The following COL6A3 variants were observed in gnomAD, a reference collection of about 807,000 sequenced individuals.
The protein encoded by COL6A3 is collagen alpha-3(VI) chain.
In COL6A3, 137 loss-of-function variants were observed where a neutral mutation model predicts 274.1. That is an observed-to-expected ratio of 0.50 (90% CI 0.44 to 0.58). COL6A3 has a LOEUF of 0.58. Ranked by LOEUF, COL6A3 falls within the 20% of genes least tolerant of loss-of-function variation. The pLI, the probability that COL6A3 is intolerant of heterozygous loss-of-function variation, is 0.00. For synonymous variants in COL6A3, 1,650 were observed against 1,650.6 expected (o/e 1.00, Z 0.01); for missense variants, 3,950 against 4,124.9 (o/e 0.96, Z 1.16).
At position 237,394,951 on chromosome 2, in the gene COL6A3, G is replaced by A; in HGVS notation, c.345C>T (p.Thr115=). 1.2e-6 allele frequency: 2 copies of A among 1,614,016 alleles called. No individual in the cohort carries two copies. The highest frequency in any genetic ancestry group is 1.7e-6 in the Non-Finnish European group (2 of 1,179,976). Residue 115 remains threonine, a synonymous_variant, in exon 3 of 44, where the codon ACC becomes ACT. Coordinates refer to ENST00000295550, the MANE Select transcript of COL6A3 (RefSeq NM_004369.4). ...HISNMSYIGG[T]NQTGKGLEYI... The stretch of plus-strand genomic sequence containing the variant: ...ATTCTAATCCTTTTCCAGTCTGATT[G>A]GTTCCCCCAATATAAGACATGTTGG...
chr2:237,333,969 C>A (rs531873389), intron 41 of COL6A3, among the ~76,000 whole-genome samples: 1 of 152,236 alleles, frequency 6.6e-6, no homozygotes, highest in East Asian at 1.9e-4. Flanking sequence ...CCTTCACATT[C>A]CTGGAGCAGT....
chr2:237,371,964 C>T lies in COL6A3; in HGVS notation c.4053G>A (p.Glu1351=). Residue 1351 remains glutamate, a synonymous_variant, in exon 9 of 44, where the codon GAG becomes GAA. Transcript: ENST00000295550. The surrounding 1 kb of genome is among the most constrained non-coding windows in gnomAD (Gnocchi z 4.3). The part of the protein sequence containing the change: ...VLISSGKSDD[E]VDDPAVELKQ... ...TGAGCTCCACCGCCGGGTCGTCCAC[C>T]TCATCGTCAGACTTTCCAGACGAGA... 6.2e-7 allele frequency: 1 copy of T among 1,614,142 alleles called. No individual in the cohort carries two copies. Among genetic ancestry groups the T allele is most frequent in the Non-Finnish European group, 8.5e-7 (1 of 1,180,020 alleles).
chr2:237,359,996 T>C, intron 17 of COL6A3, 92 bp downstream of exon 17: 1 of 1,344,900 alleles, frequency 7.4e-7, no homozygotes, highest in Non-Finnish European at 1.1e-6. Flanking sequence ...TCAAGAAGCC[T>C]GGACCAGCGC....
At chr2:237,402,307 G>A (rs2078611608) in intron 1 of COL6A3, among the ~76,000 whole-genome samples, 1 of 152,146 alleles carries the variant, frequency 6.6e-6, no homozygotes, top group African/African-American at 2.4e-5. Context: ...ATTTGTTGTA[G>A]CACAAGGTGC....
chr2:237,375,516 TG>T (rs2077814253), intron 7 of COL6A3, among the ~76,000 whole-genome samples: 1 of 149,376 alleles, frequency 6.7e-6, no homozygotes, highest in Admixed American at 6.6e-5. Flanking sequence ...TAAGGATTTT[TG>T]TTTTTGTTTT....
At chr2:237,352,636 A>C (rs771811448) in intron 25 of COL6A3, 52 bp from the exon 26 acceptor site, 2 of 1,533,050 alleles carry the variant, frequency 1.3e-6, no homozygotes, top group Non-Finnish European at 1.8e-6. Flanking sequence ...TTTCCATGAG[A>C]AGCCTCTGCA....
chr2:237,342,961 A>G (rs1205343664), intron 36 of COL6A3: 1 of 152,298 alleles, frequency 6.6e-6, no homozygotes, highest in Non-Finnish European at 1.5e-5. Context: ...TGGTAAAAGC[A>G]TAGAATATCC....
In COL6A3 at chr2:237,394,717, G is replaced by A; in HGVS notation, c.579C>T (p.Leu193=). Reference sequence around the variant, plus strand: ...TCTCTAGGTTGAACATATGCATATTGAGCGGTTCACTTGCTATTTCTTTTA... The same window carrying A: ...TCTCTAGGTTGAACATATGCATATTAAGCGGTTCACTTGCTATTTCTTTTA... ...GALKEIASEP[L]NMHMFNLENF... is the part of the protein sequence containing the mutation. The change falls in exon 3 of 44, where the codon CTC becomes CTT. Residue 193 remains leucine (L), a synonymous_variant. Coordinates refer to ENST00000295550, the MANE Select transcript of COL6A3 (RefSeq NM_004369.4). 2 of 1,614,202 alleles carry A rather than the reference G, an allele frequency of 1.2e-6. No homozygotes were observed. Among genetic ancestry groups the A allele is most frequent in the Non-Finnish European group, 1.7e-6 (2 of 1,180,042 alleles).
In COL6A3 at chr2:237,346,414, T is replaced by C. The variant is rs1368856479; in HGVS notation, c.7092+89A>G. 7.2e-6 allele frequency: 8 copies of C among 1,112,302 alleles called. No individual in the cohort carries two copies. In the East Asian group the frequency reaches 1.9e-4, roughly 26 times the overall value. 68.9% of individuals were successfully genotyped at this position (1,112,302 alleles called of 1,614,324 possible). ...AATACAAAGAGAGCACATTTTCTTG[T>C]GAGCAAAGCAGATGGTGGGAAGTTT... On this transcript the variant is annotated intron_variant, in intron 32 of 43. Coordinates refer to ENST00000295550, the MANE Select transcript of COL6A3 (RefSeq NM_004369.4).
intron 43 of COL6A3, among the ~76,000 whole-genome samples, 184 bp from the exon 44 acceptor site, chr2:237,324,998 C>T (rs1054340953): frequency 3.3e-5 from 5 of 152,122 alleles, no homozygotes; most frequent in African/African-American, 1.2e-4. Context: ...CGTTCTTGGC[C>T]TGGGGCCCCG....
chr2:237,397,840 C>T (rs1225255584), intron 1 of COL6A3, among the ~76,000 whole-genome samples: 1 of 152,158 alleles, frequency 6.6e-6, no homozygotes, highest in Non-Finnish European at 1.5e-5. Flanking sequence ...AATCTAGTGA[C>T]TATTACTTTG....
rs1235022762 is a variant in COL6A3, at chr2:237,341,065, G to C, written c.7851C>G (p.Asp2617Glu). The change falls in exon 38 of 44, where the codon GAC becomes GAG. Residue 2617 changes from aspartate (D) to glutamate (E), a missense_variant. Coordinates refer to ENST00000295550, the MANE Select transcript of COL6A3 (RefSeq NM_004369.4). ...RDRRAAGSDVDIDMAFILDSA... is the reference protein window; with the variant it reads ...RDRRAAGSDVEIDMAFILDSA... ...TGTCTAAGATGAAAGCCATGTCGAT[G>C]TCCACATCGCTCCCTGCCGCTCTCC... 2.5e-6 allele frequency: 4 copies of C among 1,614,028 alleles called. No homozygotes were observed. The highest frequency in any genetic ancestry group is 3.4e-6 in the Non-Finnish European group (4 of 1,180,050).
chr2:237,397,109 G>A (rs553073373), intron 1 of COL6A3, among the ~76,000 whole-genome samples: 11 of 150,890 alleles, frequency 7.3e-5, no homozygotes, highest in African/African-American at 2.4e-4. Flanking sequence ...ATAAAAGGAA[G>A]GAAGGAGGGA....
At position 237,325,643 on chromosome 2, in the gene COL6A3, C is replaced by A; in HGVS notation, c.9410G>T (p.Cys3137Phe). The change falls in exon 43 of 44, where the codon TGT (cysteine) becomes TTT (phenylalanine). Residue 3137 changes from cysteine to phenylalanine, a missense_variant. By Grantham distance (205) the Cys-to-Phe change is radical (BLOSUM62 -2). Coordinates refer to ENST00000295550, the MANE Select transcript of COL6A3 (RefSeq NM_004369.4). ...KWYYDPNTKS[C>F]ARFWYGGCGG... ...ACAACCTCCATACCAGAATCTTGCA[C>A]AGCTTTTGGTGTTTGGATCATAGTA... The A allele has an allele frequency of 6.2e-7, 1 of 1,614,120 alleles. No homozygotes were observed. Among genetic ancestry groups the A allele is most frequent in the Non-Finnish European group, 8.5e-7 (1 of 1,179,978 alleles).
Position 237,340,369 on chromosome 2 carries a change from T to C in COL6A3, c.8464+83A>G. On this transcript the variant is annotated intron_variant, in intron 38 of 43. Coordinates refer to ENST00000295550, the MANE Select transcript of COL6A3 (RefSeq NM_004369.4). Reference sequence around the variant, plus strand: ...ACAGTTCCTGTCAACACATCGGTTGTCTTTTCCATGACTGTTCCTACACTT... The same window carrying C: ...ACAGTTCCTGTCAACACATCGGTTGCCTTTTCCATGACTGTTCCTACACTT... 3.8e-6 allele frequency: 5 copies of C among 1,310,746 alleles called. No individual in the cohort carries two copies. In the Admixed American group the frequency reaches 5.4e-5, roughly 14 times the overall value. The allele number at this position is 1,310,746 out of a possible 1,614,324, so 81.2% of individuals were successfully genotyped here.
At chr2:237,383,172 A>C (rs1313636230) in intron 4 of COL6A3, among the ~76,000 whole-genome samples, 1 of 152,216 alleles carries the variant, frequency 6.6e-6, no homozygotes, top group Non-Finnish European at 1.5e-5. Context: ...GCCTGGGGTG[A>C]GAATCGCTGA....
chr2:237,352,775 G>C (rs1417735962), intron 25 of COL6A3, among the ~76,000 whole-genome samples, 191 bp from the exon 26 acceptor site: 5 of 152,204 alleles, frequency 3.3e-5, no homozygotes, highest in Non-Finnish European at 7.3e-5. Flanking sequence ...ATAGGCAAGT[G>C]AGCTTAAAAT....
Position 237,339,845 on chromosome 2 carries a change from C to T in COL6A3, c.8464+607G>A, listed in dbSNP as rs112557330. On this transcript the variant is annotated intron_variant, in intron 38 of 43. Transcript: ENST00000295550. ...ATCAACAGGCCAGGTAATAGATGCC[C>T]TAAATAGGGTGTCCGGATTAACCAT... Among the ~76,000 whole-genome samples the T allele has an allele frequency of 3.8e-3, 579 of 152,214 alleles. 7 individuals carry two copies. The highest frequency in any genetic ancestry group is 0.013 in the African/African-American group (540 of 41,526).
In COL6A3 at chr2:237,376,947, C is replaced by A. The variant is rs775993027; in HGVS notation, c.2895G>T (p.Gln965His). 1.1e-5 allele frequency: 17 copies of A among 1,614,136 alleles called. No homozygotes were observed. The highest frequency in any genetic ancestry group is 1.4e-5 in the Non-Finnish European group (17 of 1,180,052). The change falls in exon 7 of 44, where the codon CAG becomes CAT. Residue 965 changes from glutamine (Q) to histidine (H), a missense_variant. By Grantham distance (24) the Gln-to-His change is conservative. Transcript: ENST00000295550. ...RVDGPASNLKQSGVVPFIFQA... is the reference protein window; with the variant it reads ...RVDGPASNLKHSGVVPFIFQA... ...GGAAGATGAAAGGCACAACCCCACT[C>A]TGCTTCAGGTTACTTGCTGGCCCAT... is the stretch of plus-strand genomic sequence containing the variant.
Sources: gnomAD v4.1 joint callset for allele counts (sites outside exome capture counted in the v4.1 genomes callset) on GRCh38, gnomAD v4.1.1 for gene constraint, Gnocchi (gnomAD v3.1) non-coding constraint, MANE v1.5 for transcripts, NCBI Gene and HGNC (gene_info 2026-07-23, HGNC 2026-07-21) for gene names.